Variants in RBPJ observed in about 807,000 individuals in gnomAD.
The protein encoded by RBPJ is recombination signal binding protein for immunoglobulin kappa J region.
In RBPJ, 9 loss-of-function variants were observed where a neutral mutation model predicts 67.8. The observed-to-expected ratio is 0.13, with a 90% CI of 0.08 to 0.23. RBPJ has a LOEUF of 0.23. Ranked by LOEUF, RBPJ falls within the 10% of genes least tolerant of loss-of-function variation. The probability of loss-of-function intolerance (pLI) is 1.00; values close to 1 mark genes in which losing one functional copy is unlikely to be tolerated. For synonymous variants in RBPJ, 198 were observed against 203.3 expected, an observed-to-expected ratio of 0.97 and a Z score of 0.22; for missense variants, 305 against 595.6, an observed-to-expected ratio of 0.51 and a Z score of 5.08.
At chr4:26,256,506 T>G (rs1004100230) in intron 1 of RBPJ, among the ~76,000 whole-genome samples, 2 of 152,194 alleles carry the variant, frequency 1.3e-5, no homozygotes, top group Non-Finnish European at 2.9e-5. Context: ...CTTGTAAATG[T>G]TTAACTTTTA....
At chr4:26,280,690 T>G (rs990406978) in intron 1 of RBPJ, among the ~76,000 whole-genome samples, 3 of 152,186 alleles carry the variant, frequency 2.0e-5, no homozygotes, top group African/African-American at 7.2e-5. Flanking sequence ...AATTGTACAC[T>G]GAAGCATGGT....
In RBPJ at chr4:26,279,887, A is replaced by G. The variant is rs139347284; in HGVS notation, c.-166-82559A>G. 2.0e-5 allele frequency among the ~76,000 whole-genome samples: 3 copies of G among 150,134 alleles called. No individual in the cohort carries two copies. The East Asian group carries it at 6.0e-4, about 30-fold the overall frequency. ...ACTGCAGCCTCGACTTCTTGGGCTC[A>G]ACCAATCCTCCCATCTCAGCCTCCC... is the stretch of plus-strand genomic sequence containing the variant. On this transcript the variant is annotated intron_variant, in intron 1 of 4. Transcript: ENST00000512351.
In RBPJ at chr4:26,171,321, GTCACTGTACAGTATACAAGGTA is replaced by G. The variant is rs563105183; in HGVS notation, c.-167+7716_-167+7737del. 4.4e-3 allele frequency among the ~76,000 whole-genome samples: 674 copies of G among 152,284 alleles called. 6 individuals carry two copies. Among genetic ancestry groups the G allele is most frequent in the African/African-American group, 0.016 (656 of 41,562 alleles). On this transcript the variant is annotated intron_variant, in intron 1 of 4. Coordinates refer to the RBPJ transcript ENST00000512351. ...CATGTCACTGTACAGTATACAAGGT[GTCACTGTACAGTATACAAGGTA>G]TCACTGTAATGAGAATATGGGGTAG...
At chr4:26,323,157 G>GT (rs954192353) in intron 1 of RBPJ, among the ~76,000 whole-genome samples, 5 of 152,046 alleles carry the variant, frequency 3.3e-5, no homozygotes, top group African/African-American at 9.6e-5. Flanking sequence ...TGATACATAA[G>GT]TTTTTTTGTG....
chr4:26,175,424 A>G (rs1716763110), intron 1 of RBPJ, among the ~76,000 whole-genome samples: 1 of 152,172 alleles, frequency 6.6e-6, no homozygotes, highest in South Asian at 2.1e-4. Context: ...GAAGCCACAA[A>G]GAGGGAGCAG....
rs150520343 is a variant in RBPJ, at chr4:26,194,628, A to G, written c.-167+31014A>G. 1.8e-3 allele frequency among the ~76,000 whole-genome samples: 276 copies of G among 152,212 alleles called. 1 individual carries two copies. Among genetic ancestry groups the G allele is most frequent in the African/African-American group, 6.2e-3 (258 of 41,528 alleles). On this transcript the variant is annotated intron_variant, in intron 1 of 4. Coordinates refer to the RBPJ transcript ENST00000512351. ...TTTCTGGGCCTGTAGGCCCCCACCT[A>G]TCACCACCACACTTCACCTCTCCTC...
chr4:26,281,463 A>T (rs1483685184), intron 1 of RBPJ, among the ~76,000 whole-genome samples: 2 of 152,098 alleles, frequency 1.3e-5, no homozygotes, highest in African/African-American at 2.4e-5. Context: ...TATTTTTAGT[A>T]GACATGGGGT....
chr4:26,105,671 A>G, the RBPJ span, among the ~76,000 whole-genome samples: 1 of 152,376 alleles, frequency 6.6e-6, no homozygotes, highest in East Asian at 1.9e-4. Flanking sequence ...TAACTGGAGA[A>G]CACGGAAAGA....
intron 1 of RBPJ, among the ~76,000 whole-genome samples, chr4:26,206,313 A>G (rs924431077): frequency 6.6e-6 from 1 of 152,224 alleles, no homozygotes; most frequent in African/African-American, 2.4e-5. Flanking sequence ...CTTTAGCAAG[A>G]AGAGGGACTG....
chr4:26,127,164 G>T, the RBPJ span, among the ~76,000 whole-genome samples: 1 of 152,212 alleles, frequency 6.6e-6, no homozygotes, highest in Non-Finnish European at 1.5e-5. Flanking sequence ...AGGGCTGTCT[G>T]TTGGCAGCAC....
At chr4:26,135,874 T>A in the RBPJ span, among the ~76,000 whole-genome samples, 60 of 152,010 alleles carry the variant, frequency 3.9e-4, no homozygotes, top group Non-Finnish European at 8.4e-4. Context: ...AAGAAGAAGC[T>A]CAGAGATGGA....
chr4:26,324,340 C>T (rs1393240161), intron 1 of RBPJ, among the ~76,000 whole-genome samples: 1 of 151,872 alleles, frequency 6.6e-6, no homozygotes, highest in Admixed American at 6.6e-5. Context: ...ATTCCTGCCC[C>T]CCATAAACTT....
At chr4:26,195,159 G>A (rs573787119) in intron 1 of RBPJ, among the ~76,000 whole-genome samples, 34 of 152,278 alleles carry the variant, frequency 2.2e-4, no homozygotes, top group African/African-American at 4.3e-4. Flanking sequence ...CCTTGAAGCC[G>A]AGAGTTCAAG....
At chr4:26,176,433 G>A (rs1010605846) in intron 1 of RBPJ, among the ~76,000 whole-genome samples, 4 of 152,172 alleles carry the variant, frequency 2.6e-5, no homozygotes, top group Non-Finnish European at 4.4e-5. Flanking sequence ...GCTAATGGGG[G>A]AAACTGAGGC....
intron 1 of RBPJ, among the ~76,000 whole-genome samples, chr4:26,257,630 A>G (rs1720385026): frequency 6.6e-6 from 1 of 152,192 alleles, no homozygotes; most frequent in Non-Finnish European, 1.5e-5. Flanking sequence ...ACTCTGTCTC[A>G]AAAAAAGAGA....
intron 1 of RBPJ, among the ~76,000 whole-genome samples, chr4:26,283,220 C>T (rs1283423372): frequency 4.7e-5 from 7 of 149,552 alleles, no homozygotes; most frequent in African/African-American, 1.2e-4. Context: ...GGAGCCACCG[C>T]TCCCGGCCTC....
intron 1 of RBPJ, among the ~76,000 whole-genome samples, chr4:26,313,019 C>T (rs1036639820): frequency 1.3e-5 from 2 of 152,136 alleles, no homozygotes; most frequent in Non-Finnish European, 2.9e-5. Context: ...ACTTCAGGGT[C>T]TCAAGTGATC....
chr4:26,264,622 T>C lies in RBPJ; in HGVS notation c.-166-97824T>C, dbSNP rs147552618. Among the ~76,000 whole-genome samples the C allele has an allele frequency of 4.9e-4, 74 of 152,286 alleles. 1 individual carries two copies. The East Asian group carries it at 0.011, about 22-fold the overall frequency. ...CACATACACTCACACACACTTGCTG[T>C]CTTCCTCTCTTCCCCATCTAGCCAC... On this transcript the variant is annotated intron_variant, in intron 1 of 4. Transcript: ENST00000512351. The surrounding 1 kb of genome is among the most constrained non-coding windows in gnomAD (Gnocchi z 4.1).
the RBPJ span, among the ~76,000 whole-genome samples, chr4:26,128,157 G>C: frequency 6.6e-6 from 1 of 152,214 alleles, no homozygotes; most frequent in African/African-American, 2.4e-5. Context: ...GCTGGGCCTT[G>C]GGAAGGCAGG....
Sources: allele counts gnomAD v4.1 joint callset (sites outside exome capture counted in the v4.1 genomes callset), GRCh38; gene constraint gnomAD v4.1.1; non-coding constraint Gnocchi (gnomAD v3.1); transcripts MANE v1.5; gene names NCBI Gene and HGNC (gene_info 2026-07-23, HGNC 2026-07-21).